Variants in C16orf89 observed in about 807,000 individuals in gnomAD.
C16orf89 encodes the protein chromosome 16 open reading frame 89, also known as UPF0764 protein C16orf89.
C16orf89 carries 57 observed loss-of-function variants against 41.5 expected under a neutral mutation model. That is an observed-to-expected ratio of 1.38 (90% confidence interval 1.11 to 1.71). The LOEUF is 1.71. Ranked by LOEUF, C16orf89 falls within the 40% of genes most tolerant of loss-of-function variation. C16orf89 has a pLI of 0.00. For missense variants in C16orf89, 575 were observed against 445.9 expected (o/e 1.29, Z -2.61); for synonymous variants, 223 against 190.6 (o/e 1.17, Z -1.40).
Position 5,054,209 on chromosome 16 carries a change from C to T in C16orf89, c.868+1037G>A, listed in dbSNP as rs1363997792. Among the ~76,000 whole-genome samples, 7 of 152,196 alleles carry T rather than the reference C, an allele frequency of 4.6e-5. No individual in the cohort carries two copies. In the East Asian group the frequency reaches 5.8e-4, roughly 13 times the overall value. On this transcript the variant is annotated intron_variant, in intron 6 of 7. Transcript: ENST00000472572. Reference sequence around the variant, plus strand: ...TGCCGTGTACCTGGCACAGGCTATGCGGCTTCAAATGTATTACGTTGACTC... The same window carrying T: ...TGCCGTGTACCTGGCACAGGCTATGTGGCTTCAAATGTATTACGTTGACTC...
At chr16:5,045,438 C>T (rs1347704011) in intron 7 of C16orf89, among the ~76,000 whole-genome samples, 1 of 152,306 alleles carries the variant, frequency 6.6e-6, no homozygotes, top group South Asian at 2.1e-4. Context: ...TCAAAGTGGG[C>T]TGCACGCCTC....
intron 4 of C16orf89, among the ~76,000 whole-genome samples, chr16:5,056,982 C>A (rs1446370089): frequency 6.6e-6 from 1 of 151,962 alleles, no homozygotes; most frequent in African/African-American, 2.4e-5. Flanking sequence ...GCTCATGCCT[C>A]TAACCCCAGC....
intron 4 of C16orf89, among the ~76,000 whole-genome samples, chr16:5,058,275 A>T (rs1422682497): frequency 2.0e-5 from 3 of 151,690 alleles, no homozygotes; most frequent in African/African-American, 7.3e-5. Context: ...TTACAGGTGC[A>T]CGCCACCACG....
chr16:5,060,270 C>T lies in C16orf89; in HGVS notation c.509+16G>A, dbSNP rs2270834. 0.16 allele frequency: 254,413 copies of T among 1,588,516 alleles called. 21,972 individuals are homozygous for T. Among genetic ancestry groups the T allele is most frequent in the East Asian group, 0.29 (12,614 of 43,956 alleles). ...GCGTTTGGGTTTCCAGCAAATAGGG[C>T]AAGTGCAGGGCCCACCCGGTTCCCA... On this transcript the variant is annotated intron_variant, in intron 3 of 7. Transcript: ENST00000472572.
At chr16:5,058,717 C>A in intron 3 of C16orf89, 107 bp from the exon 4 acceptor site, 1 of 850,678 alleles carries the variant, frequency 1.2e-6, no homozygotes, top group Non-Finnish European at 1.8e-6. Flanking sequence ...ATTCCAGACA[C>A]CCAGCTGGGC....
At position 5,047,923 on chromosome 16, in the gene C16orf89, GCT is replaced by G; in HGVS notation, c.908_909del (p.Gln303ProfsTer97). 6.2e-7 allele frequency: 1 copy of G among 1,604,786 alleles called. No homozygotes were observed. The highest frequency in any genetic ancestry group is 1.1e-5 in the South Asian group (1 of 90,440). The part of the protein sequence containing the change: ...DEELSKAIQY[Q>X]QHFSRRVKRR... ...CTCTTCACTCTCCTCGAAAAATGCT[GCT>G]GATATTGAATAGCTTTAGATAATTC... On this transcript the variant is annotated frameshift_variant, in exon 7 of 8. Transcript: ENST00000472572. LOFTEE classifies it low-confidence loss of function (END_TRUNC).
In C16orf89 at chr16:5,045,166, G is replaced by A. The variant is rs559926384; in HGVS notation, c.956-688C>T. ...GGCTTAGCCTGCTTCCCTGACTTAC[G>A]TACCTCAATAAACCCACGCACCGGA... On this transcript the variant is annotated intron_variant, in intron 7 of 7. Transcript: ENST00000472572. 7.2e-5 allele frequency among the ~76,000 whole-genome samples: 11 copies of A among 152,284 alleles called. No individual in the cohort carries two copies. The South Asian group carries it at 2.1e-3, about 29-fold the overall frequency.
chr16:5,048,051 C>A (rs1353895055), intron 6 of C16orf89, 87 bp from the exon 7 acceptor site: 13 of 765,658 alleles, frequency 1.7e-5, no homozygotes, highest in Non-Finnish European at 2.6e-5. Flanking sequence ...ATTGTAGAGA[C>A]AGGGTCTCAT....
chr16:5,063,900 G>T (rs1170966103), intron 1 of C16orf89, among the ~76,000 whole-genome samples: 3 of 152,202 alleles, frequency 2.0e-5, no homozygotes, highest in Non-Finnish European at 2.9e-5. Context: ...GCCGAGGCAG[G>T]TGGATTACTT....
rs768695208 is a variant in C16orf89 at position 5,055,322 on chromosome 16, G to A, written c.792C>T (p.Ser264=). The A allele has an allele frequency of 5.6e-6, 9 of 1,612,842 alleles. 1 individual carries two copies. Among genetic ancestry groups the A allele is most frequent in the South Asian group, 1.1e-5 (1 of 90,876 alleles). ...NIMFCGMGGF[S]DFYKLRWLEA... is the part of the protein sequence containing the mutation. ...CCAGCCACCGGAGCTTGTAGAAGTC[G>A]GAGAAGCCGCCCATTCCACAGAACA... Residue 264 remains serine, a synonymous_variant, in exon 6 of 8, where the codon TCC becomes TCT. Transcript: ENST00000472572.
Position 5,065,860 on chromosome 16 carries a change from G to A in C16orf89, c.49C>T (p.Pro17Ser). The change falls in exon 1 of 8, where the codon CCG becomes TCG. Residue 17 changes from proline to serine, a missense_variant. Transcript: ENST00000472572. ...LLLLLLTALPPLWSSSLPGLD... is the reference protein window; with the variant it reads ...LLLLLLTALPSLWSSSLPGLD... The stretch of plus-strand genomic sequence containing the variant: ...CCAGGCAGTGAGGAGGACCACAGCG[G>A]TGGCAGTGCTGTCAGTAAGAGCAGG... The A allele has an allele frequency of 6.2e-7, 1 of 1,614,226 alleles. No homozygotes were observed. Among genetic ancestry groups the A allele is most frequent in the Admixed American group, 1.7e-5 (1 of 60,028 alleles).
chr16:5,055,983 G>A, intron 5 of C16orf89, 70 bp downstream of exon 5: 3 of 1,069,440 alleles, frequency 2.8e-6, no homozygotes, highest in Non-Finnish European at 4.1e-6. Flanking sequence ...GTGTGTGTGT[G>A]TGTGTGTGTG....
intron 7 of C16orf89, chr16:5,044,679 T>TA (rs906329600): frequency 2.9e-5 from 32 of 1,108,824 alleles, no homozygotes; most frequent in African/African-American, 1.1e-4. Context: ...CTGTCTCTAC[T>TA]AAAAAAATAT....
chr16:5,046,442 C>T (rs1956299420), intron 7 of C16orf89, among the ~76,000 whole-genome samples: 1 of 152,036 alleles, frequency 6.6e-6, no homozygotes, highest in Non-Finnish European at 1.5e-5. Flanking sequence ...ACCTCTGTCT[C>T]CTGGGTTCAA....
chr16:5,049,249 A>C (rs1008502293), intron 6 of C16orf89, among the ~76,000 whole-genome samples: 3 of 152,232 alleles, frequency 2.0e-5, no homozygotes, highest in Non-Finnish European at 4.4e-5. Flanking sequence ...CCAATACAAT[A>C]ATAGCTGAAG....
chr16:5,059,717 G>A (rs1364947724), intron 3 of C16orf89, among the ~76,000 whole-genome samples: 4 of 152,114 alleles, frequency 2.6e-5, no homozygotes, highest in Admixed American at 1.3e-4. Context: ...TGTCTTCCTG[G>A]AGCTGCATCC....
intron 7 of C16orf89, 117 bp from the exon 8 acceptor site, chr16:5,044,595 A>G (rs747288641): frequency 6.6e-7 from 1 of 1,524,182 alleles, no homozygotes; most frequent in South Asian, 1.2e-5. Flanking sequence ...ATAATCCCAC[A>G]CTTTGGGAGC....
chr16:5,052,099 C>CA (rs35641084), intron 6 of C16orf89, among the ~76,000 whole-genome samples: 2,896 of 78,354 alleles, frequency 0.037, 85 homozygotes, highest in South Asian at 0.05. Flanking sequence ...GAGACTGTCT[C>CA]AAAAAAAAAA....
At chr16:5,052,141 A>C (rs1956410049) in intron 6 of C16orf89, among the ~76,000 whole-genome samples, 2 of 151,764 alleles carry the variant, frequency 1.3e-5, no homozygotes, top group South Asian at 4.1e-4. Flanking sequence ...GAAAAGAAAA[A>C]AGGCAAATGA....
Sources: allele counts gnomAD v4.1 joint callset (sites outside exome capture counted in the v4.1 genomes callset), GRCh38; gene constraint gnomAD v4.1.1; transcripts MANE v1.5; gene names NCBI Gene and HGNC (gene_info 2026-07-23, HGNC 2026-07-21).